PPARGC1A: variants seen among roughly 807,000 people sequenced by gnomAD.
PPARGC1A encodes the protein PPARG coactivator 1 alpha, also known as peroxisome proliferator-activated receptor gamma coactivator 1-alpha.
In PPARGC1A, 25 loss-of-function variants were observed where a neutral mutation model predicts 88.7. The observed-to-expected ratio is 0.28, with a 90% CI of 0.21 to 0.39. The LOEUF is 0.39. PPARGC1A is among the 10% of genes least tolerant of loss of function. The probability of loss-of-function intolerance (pLI) is 1.00; values close to 1 mark genes in which losing one functional copy is unlikely to be tolerated. For synonymous variants in PPARGC1A, 363 were observed against 355.6 expected (o/e 1.02, Z -0.24); for missense variants, 880 against 968.7 (o/e 0.91, Z 1.22).
the PPARGC1A span, among the ~76,000 whole-genome samples, chr4:23,944,391 G>T: frequency 2.0e-5 from 3 of 152,158 alleles, no homozygotes; most frequent in Admixed American, 1.3e-4. Flanking sequence ...CAGATCCCAC[G>T]TATTTACCTT....
upstream of PPARGC1A, among the ~76,000 whole-genome samples, chr4:23,907,710 A>G (rs1406076742): frequency 6.6e-6 from 1 of 151,380 alleles, no homozygotes; most frequent in Non-Finnish European, 1.5e-5. Flanking sequence ...AGTTCGCACT[A>G]TATAAATGCC....
chr4:23,917,043 A>G, the PPARGC1A span, among the ~76,000 whole-genome samples: 6 of 152,128 alleles, frequency 3.9e-5, no homozygotes, highest in African/African-American at 1.2e-4. Context: ...TTCCCCGCAC[A>G]TGCTACCTCA....
At chr4:23,920,787 T>C in the PPARGC1A span, among the ~76,000 whole-genome samples, 1 of 152,202 alleles carries the variant, frequency 6.6e-6, no homozygotes. Context: ...TGTCAGCGCT[T>C]GCCCTGCTAC....
the PPARGC1A span, among the ~76,000 whole-genome samples, chr4:23,967,039 T>A: frequency 6.6e-6 from 1 of 152,226 alleles, no homozygotes; most frequent in Admixed American, 6.5e-5. Context: ...CATTTGAGGA[T>A]GTGCCACACA....
At chr4:24,358,314 C>A in the PPARGC1A span, among the ~76,000 whole-genome samples, 2 of 152,136 alleles carry the variant, frequency 1.3e-5, no homozygotes, top group Non-Finnish European at 2.9e-5. Flanking sequence ...TTTAAAATAA[C>A]CCTCTGAATT....
the PPARGC1A span, among the ~76,000 whole-genome samples, chr4:24,471,345 T>TGC: frequency 6.7e-6 from 1 of 148,176 alleles, no homozygotes; most frequent in Non-Finnish European, 1.5e-5. This position sits in a 1 kb window ranked among gnomAD's most constrained non-coding sequence, Gnocchi z 5.4. Context: ...CACACCCGCG[T>TGC]GCACACACAC....
At chr4:24,169,685 C>T in the PPARGC1A span, among the ~76,000 whole-genome samples, 1 of 152,084 alleles carries the variant, frequency 6.6e-6, no homozygotes, top group South Asian at 2.1e-4. Context: ...GCCTGTCCAA[C>T]ATGGTGAAAC....
the PPARGC1A span, among the ~76,000 whole-genome samples, chr4:24,077,716 G>A: frequency 7.1e-6 from 1 of 140,228 alleles, no homozygotes; most frequent in African/African-American, 2.6e-5. Flanking sequence ...ACAATCTGTG[G>A]CTCTTATAAT....
the PPARGC1A span, among the ~76,000 whole-genome samples, chr4:24,315,275 T>C: frequency 6.6e-6 from 1 of 152,186 alleles, no homozygotes; most frequent in Non-Finnish European, 1.5e-5. Context: ...TTAAGATGGA[T>C]TCATGATGTC....
chr4:24,250,203 CTG>C, the PPARGC1A span, among the ~76,000 whole-genome samples: 2 of 152,212 alleles, frequency 1.3e-5, no homozygotes, highest in South Asian at 2.1e-4. Flanking sequence ...TCGAGGAACT[CTG>C]TAATTATCAC....
At chr4:23,928,743 T>C in the PPARGC1A span, among the ~76,000 whole-genome samples, 3 of 129,846 alleles carry the variant, frequency 2.3e-5, no homozygotes, top group Non-Finnish European at 4.7e-5. Context: ...ATGTGGTACT[T>C]ATCCAGCCAC....
chr4:23,938,056 G>T, the PPARGC1A span, among the ~76,000 whole-genome samples: 2 of 152,028 alleles, frequency 1.3e-5, no homozygotes, highest in African/African-American at 4.8e-5. Context: ...GAGAGCCTTG[G>T]AGAGGCCAAA....
At chr4:24,251,237 CTG>C in the PPARGC1A span, among the ~76,000 whole-genome samples, 2 of 152,180 alleles carry the variant, frequency 1.3e-5, no homozygotes, top group African/African-American at 4.8e-5. Context: ...CCACTACTAG[CTG>C]TGTGATCTTG....
intron 7 of PPARGC1A, among the ~76,000 whole-genome samples, chr4:23,818,012 C>T (rs1470763483): frequency 6.6e-6 from 1 of 152,132 alleles, no homozygotes; most frequent in Non-Finnish European, 1.5e-5. Context: ...CCACAACTTT[C>T]CCCCCTGAAG....
At chr4:23,982,230 CAAAAG>C in the PPARGC1A span, among the ~76,000 whole-genome samples, 23,365 of 151,942 alleles carry the variant, frequency 0.15, 1,899 homozygotes, top group East Asian at 0.26. Flanking sequence ...GTAGTTTAAA[CAAAAG>C]AAAAGTTTGT....
rs372164053 is a variant in PPARGC1A at position 23,795,053 on chromosome 4, AAGAG to A, written c.*765_*768del. 824 of 145,354 alleles carry A rather than the reference AAGAG, an allele frequency of 5.7e-3. 6 individuals are homozygous for A. The highest frequency in any genetic ancestry group is 0.05 in the Middle Eastern group (14 of 278). 9.0% of individuals were successfully genotyped at this position (145,354 alleles called of 1,614,324 possible). On this transcript the variant is annotated 3_prime_UTR_variant, in exon 13 of 13. Coordinates refer to ENST00000264867, the MANE Select transcript of PPARGC1A (RefSeq NM_013261.5). ...ATGGCAAAAGGAAAAAGAAAAAAAA[AAGAG>A]AGAGAGAGAGAGAGAGAGAGAGACA...
At chr4:24,055,486 T>C in the PPARGC1A span, among the ~76,000 whole-genome samples, 5 of 152,206 alleles carry the variant, frequency 3.3e-5, no homozygotes, top group Non-Finnish European at 5.9e-5. Flanking sequence ...CGAACAACTA[T>C]ACATGACAAG....
chr4:24,315,673 A>G, the PPARGC1A span, among the ~76,000 whole-genome samples: 1 of 152,178 alleles, frequency 6.6e-6, no homozygotes, highest in African/African-American at 2.4e-5. Flanking sequence ...CATTGTCACA[A>G]CTGAGGAAAC....
the PPARGC1A span, among the ~76,000 whole-genome samples, chr4:23,932,821 T>C: frequency 6.6e-6 from 1 of 152,132 alleles, no homozygotes; most frequent in Non-Finnish European, 1.5e-5. Context: ...GGGTACTGCA[T>C]ATTCTAAGAT....
Sources: allele counts gnomAD v4.1 joint callset (sites outside exome capture counted in the v4.1 genomes callset), GRCh38; gene constraint gnomAD v4.1.1; non-coding constraint Gnocchi (gnomAD v3.1); transcripts MANE v1.5; gene names NCBI Gene and HGNC (gene_info 2026-07-23, HGNC 2026-07-21).